The following MAGI1 variants were observed in gnomAD, a reference collection of about 807,000 sequenced individuals.
MAGI1 encodes membrane-associated guanylate kinase, WW and PDZ domain-containing protein 1.
MAGI1 carries 58 observed loss-of-function variants against 139.9 expected under a neutral mutation model. The observed-to-expected ratio is 0.41, with a 90% CI of 0.34 to 0.52. The LOEUF is 0.52. MAGI1 is among the 20% of genes least tolerant of loss of function. MAGI1 has a pLI of 0.12. For synonymous variants in MAGI1, 812 were observed against 737.9 expected, an observed-to-expected ratio of 1.10 and a Z score of -1.63; for missense variants, 1,874 against 1,901.6, an observed-to-expected ratio of 0.99 and a Z score of 0.27.
At chr3:65,475,400 G>T (rs1270928075) in intron 4 of MAGI1, among the ~76,000 whole-genome samples, 1 of 152,078 alleles carries the variant, frequency 6.6e-6, no homozygotes, top group Non-Finnish European at 1.5e-5. Context: ...TTTTAGTAGA[G>T]ATGGAGTTTT....
At chr3:65,527,334 C>T (rs1469229511) in intron 2 of MAGI1, among the ~76,000 whole-genome samples, 3 of 152,206 alleles carry the variant, frequency 2.0e-5, no homozygotes. Context: ...AATCCCAGCA[C>T]TTTGGGAGGC....
intron 1 of MAGI1, chr3:65,954,421 A>C (rs1189535705): frequency 6.6e-6 from 1 of 152,596 alleles, no homozygotes; most frequent in African/African-American, 2.4e-5. Context: ...AGCGCTTGCC[A>C]AGGTGGTTAA....
At chr3:65,510,486 C>A (rs1265627546) in intron 2 of MAGI1, among the ~76,000 whole-genome samples, 2 of 149,360 alleles carry the variant, frequency 1.3e-5, no homozygotes, top group African/African-American at 5.0e-5. Flanking sequence ...AAAACCAAGG[C>A]TCGAGAACTA....
chr3:65,451,500 T>C (rs1316937736), intron 6 of MAGI1, among the ~76,000 whole-genome samples: 4 of 152,214 alleles, frequency 2.6e-5, no homozygotes, highest in Admixed American at 6.5e-5. Flanking sequence ...ATTTTGCATA[T>C]TTTCAGATTG....
chr3:65,566,636 T>C (rs914983327), intron 2 of MAGI1, among the ~76,000 whole-genome samples: 5 of 152,164 alleles, frequency 3.3e-5, no homozygotes, highest in Non-Finnish European at 7.3e-5. Flanking sequence ...GTTTGTTTGT[T>C]TGTTTGTTTT....
At chr3:65,955,080 C>T (rs1473723960) in intron 1 of MAGI1, among the ~76,000 whole-genome samples, 1 of 152,020 alleles carries the variant, frequency 6.6e-6, no homozygotes, top group African/African-American at 2.4e-5. Context: ...GTCTTTCTTC[C>T]CTTACTTAAC....
rs1274545701 is a variant in MAGI1 at position 65,429,517 on chromosome 3, T to C, written c.2167+3A>G. 6.2e-7 allele frequency: 1 copy of C among 1,603,526 alleles called. No individual in the cohort carries two copies. Among genetic ancestry groups the C allele is most frequent in the Non-Finnish European group, 8.5e-7 (1 of 1,173,406 alleles). ...ATTCAAAGAACAAAACAACCCTACT[T>C]ACCTCCTCGTTGCACCAACAATGTG... On this transcript the variant is annotated splice_donor_region_variant and intron_variant, in intron 12 of 22. Coordinates refer to ENST00000402939, the MANE Select transcript of MAGI1 (RefSeq NM_001033057.2).
At chr3:65,892,283 C>A (rs2060803705) in intron 1 of MAGI1, among the ~76,000 whole-genome samples, 1 of 152,008 alleles carries the variant, frequency 6.6e-6, no homozygotes, top group Non-Finnish European at 1.5e-5. Context: ...TCCTCCTAAG[C>A]TTCAAGAGGA....
chr3:65,379,348 C>A lies in MAGI1; in HGVS notation c.2908G>T (p.Asp970Tyr). ...TTCTCCCCGCGCCGGATCTCCACGTCGTAGGGCTGCACCACGGTGCTGACC... is the reference window on the plus strand; with the variant it reads ...TTCTCCCCGCGCCGGATCTCCACGTAGTAGGGCTGCACCACGGTGCTGACC... ...GVVSTVVQPY[D>Y]VEIRRGENEG... The change falls in exon 17 of 23, where the codon GAC becomes TAC. Residue 970 changes from aspartate to tyrosine, a missense_variant. By Grantham distance (160) the Asp-to-Tyr change is radical (BLOSUM62 -3). Coordinates refer to ENST00000402939, the MANE Select transcript of MAGI1 (RefSeq NM_001033057.2). 6.2e-7 allele frequency: 1 copy of A among 1,613,330 alleles called. No individual in the cohort carries two copies. Among genetic ancestry groups the A allele is most frequent in the Non-Finnish European group, 8.5e-7 (1 of 1,179,654 alleles).
chr3:65,414,730 T>C (rs1158951145), intron 12 of MAGI1, among the ~76,000 whole-genome samples: 1 of 151,794 alleles, frequency 6.6e-6, no homozygotes, highest in African/African-American at 2.4e-5. Context: ...GATAACAACC[T>C]TTTCATAAGA....
At chr3:65,758,470 C>T (rs1478821623) in intron 1 of MAGI1, among the ~76,000 whole-genome samples, 4 of 152,114 alleles carry the variant, frequency 2.6e-5, no homozygotes, top group African/African-American at 9.7e-5. Context: ...GCAAACTGCC[C>T]ATACATTCCC....
At chr3:65,513,814 G>T (rs1576126615) in intron 2 of MAGI1, among the ~76,000 whole-genome samples, 1 of 14,990 alleles carries the variant, frequency 6.7e-5, no homozygotes, top group African/African-American at 1.6e-4. Context: ...CTACTTTAAA[G>T]TTCATATGGA....
At chr3:65,614,983 C>T (rs2083295929) in intron 2 of MAGI1, among the ~76,000 whole-genome samples, 1 of 150,186 alleles carries the variant, frequency 6.7e-6, no homozygotes, top group Non-Finnish European at 1.5e-5. Context: ...GATCATGCCA[C>T]TGTACCCCAG....
chr3:65,793,915 T>G (rs2039952212), intron 1 of MAGI1, among the ~76,000 whole-genome samples: 1 of 152,262 alleles, frequency 6.6e-6, no homozygotes. Flanking sequence ...CTGCGTAAAG[T>G]TTCTGTTGTC....
chr3:65,851,225 G>T (rs1375219513), intron 1 of MAGI1, among the ~76,000 whole-genome samples: 1 of 151,998 alleles, frequency 6.6e-6, no homozygotes, highest in Non-Finnish European at 1.5e-5. Flanking sequence ...TCTCAGCCAG[G>T]GATAAAACTA....
At chr3:65,947,761 C>A (rs2063603904) in intron 1 of MAGI1, among the ~76,000 whole-genome samples, 1 of 151,920 alleles carries the variant, frequency 6.6e-6, no homozygotes, top group African/African-American at 2.4e-5. Flanking sequence ...GTACCACAGG[C>A]ATGCACCATC....
chr3:65,370,257 G>A (rs1185677179), intron 18 of MAGI1, among the ~76,000 whole-genome samples: 1 of 151,938 alleles, frequency 6.6e-6, no homozygotes, highest in African/African-American at 2.4e-5. Flanking sequence ...GACACAGCGA[G>A]ACTCCGTCTC....
chr3:65,396,355 G>A (rs1367599170), intron 13 of MAGI1, among the ~76,000 whole-genome samples: 1 of 152,124 alleles, frequency 6.6e-6, no homozygotes, highest in Non-Finnish European at 1.5e-5. Flanking sequence ...AAGGTCTTTG[G>A]CCACATGTTG....
chr3:65,780,620 C>T (rs1388653318), intron 1 of MAGI1, among the ~76,000 whole-genome samples: 2 of 152,038 alleles, frequency 1.3e-5, no homozygotes, highest in African/African-American at 4.8e-5. Context: ...GTGAAGAATC[C>T]ATTTTTGAAA....
Sources: allele counts gnomAD v4.1 joint callset (sites outside exome capture counted in the v4.1 genomes callset), GRCh38; gene constraint gnomAD v4.1.1; transcripts MANE v1.5; gene names NCBI Gene and HGNC (gene_info 2026-07-23, HGNC 2026-07-21).